GLIS3: variants seen among roughly 807,000 people sequenced by gnomAD.
GLIS3 encodes the protein GLIS family zinc finger 3, also known as zinc finger protein GLIS3.
Under a neutral mutation model 78.6 loss-of-function variants are expected in GLIS3, and 53 were observed. The ratio of observed to expected loss-of-function variants is 0.67; its 90% CI spans 0.54 to 0.85. The LOEUF is 0.85. Among genes scored for constraint, GLIS3 ranks in the 40% least tolerant of loss-of-function variants. GLIS3 has a pLI of 0.00. For missense variants in GLIS3, 1,703 were observed against 1,231.1 expected, an observed-to-expected ratio of 1.38 and a Z score of -5.74; for synonymous variants, 684 against 509.9, an observed-to-expected ratio of 1.34 and a Z score of -4.60.
intron 2 of GLIS3, among the ~76,000 whole-genome samples, chr9:4,154,309 A>C (rs186240206): frequency 6.6e-6 from 1 of 152,338 alleles, no homozygotes; most frequent in African/African-American, 2.4e-5. Flanking sequence ...ATAGAATGGG[A>C]GCTATGGTTT....
At chr9:3,963,628 T>G (rs1430839698) in intron 4 of GLIS3, among the ~76,000 whole-genome samples, 1 of 152,038 alleles carries the variant, frequency 6.6e-6, no homozygotes, top group Non-Finnish European at 1.5e-5. Context: ...ATGATAGAAG[T>G]TTCCTCTTTG....
the GLIS3 span, among the ~76,000 whole-genome samples, chr9:4,454,481 C>G: frequency 6.6e-6 from 1 of 152,152 alleles, no homozygotes; most frequent in Non-Finnish European, 1.5e-5. Flanking sequence ...TTATGGAGAG[C>G]TGAAGTTCAA....
chr9:4,455,793 TG>T, the GLIS3 span, among the ~76,000 whole-genome samples: 1 of 152,136 alleles, frequency 6.6e-6, no homozygotes, highest in Non-Finnish European at 1.5e-5. Context: ...TTCACATGAT[TG>T]TTTTTCATTT....
At chr9:4,417,941 A>T in the GLIS3 span, among the ~76,000 whole-genome samples, 1 of 152,198 alleles carries the variant, frequency 6.6e-6, no homozygotes, top group Non-Finnish European at 1.5e-5. Context: ...GGAACAATTG[A>T]TATTTTCAAT....
the GLIS3 span, among the ~76,000 whole-genome samples, chr9:4,435,547 G>C: frequency 6.6e-6 from 1 of 152,198 alleles, no homozygotes; most frequent in African/African-American, 2.4e-5. Context: ...TGTTAATTTT[G>C]TACCATCCTG....
chr9:3,902,113 T>C (rs925152997), intron 6 of GLIS3, among the ~76,000 whole-genome samples: 5 of 152,254 alleles, frequency 3.3e-5, no homozygotes, highest in African/African-American at 1.2e-4. Context: ...TTAGCTTCAC[T>C]AAATATTCAT....
intron 2 of GLIS3, among the ~76,000 whole-genome samples, chr9:4,134,941 A>G (rs1280525503): frequency 1.3e-5 from 2 of 152,198 alleles, no homozygotes; most frequent in African/African-American, 4.8e-5. Flanking sequence ...CTAGGGAGAT[A>G]AGATGGCCTA....
chr9:4,125,687 G>T (rs757065833), intron 3 of GLIS3, 47 bp downstream of exon 3: 4 of 1,272,370 alleles, frequency 3.1e-6, no homozygotes, highest in Non-Finnish European at 3.4e-6. Flanking sequence ...CACTTGTGGG[G>T]TGTGTTTATA....
the GLIS3 span, among the ~76,000 whole-genome samples, chr9:4,487,550 C>G: frequency 5.3e-5 from 8 of 152,066 alleles, no homozygotes; most frequent in African/African-American, 4.8e-5. Flanking sequence ...GTGTAATTGT[C>G]TTATTACAAC....
At chr9:3,845,570 C>T (rs1818977143) in intron 9 of GLIS3, among the ~76,000 whole-genome samples, 1 of 152,086 alleles carries the variant, frequency 6.6e-6, no homozygotes, top group Admixed American at 6.5e-5. Flanking sequence ...TATAAAAAGT[C>T]AGTAAGAATT....
At chr9:4,134,469 C>G (rs1002269987) in intron 2 of GLIS3, among the ~76,000 whole-genome samples, 1 of 152,130 alleles carries the variant, frequency 6.6e-6, no homozygotes, top group African/African-American at 2.4e-5. Context: ...TAACTTTGGT[C>G]ATTTAGCAGA....
At chr9:4,226,819 C>T (rs1821810173) in intron 2 of GLIS3, among the ~76,000 whole-genome samples, 1 of 152,118 alleles carries the variant, frequency 6.6e-6, no homozygotes, top group Non-Finnish European at 1.5e-5. Context: ...ACAGTGGATG[C>T]AAAGTTATCT....
intron 4 of GLIS3, among the ~76,000 whole-genome samples, chr9:4,064,507 T>C (rs1251023685): frequency 2.0e-5 from 3 of 152,200 alleles, no homozygotes; most frequent in Non-Finnish European, 4.4e-5. Flanking sequence ...TCAGAAAATA[T>C]ACCTACTGGA....
rs34973607 is a variant in GLIS3, at chr9:3,859,350, AACACACACACACAC to A, written c.2298-3180_2298-3167del. On this transcript the variant is annotated intron_variant, in intron 8 of 10. Coordinates refer to ENST00000381971, the MANE Select transcript of GLIS3 (RefSeq NM_001042413.2). ...CTACTTTCCAACCCTGTTTCTTCGA[AACACACACACACAC>A]ACACACACACACACACACACACACA... is the stretch of plus-strand genomic sequence containing the variant. 3.5e-3 allele frequency among the ~76,000 whole-genome samples: 524 copies of A among 148,960 alleles called. 2 individuals are homozygous for A. Among genetic ancestry groups the A allele is most frequent in the African/African-American group, 8.8e-3 (354 of 40,136 alleles).
At chr9:4,219,209 C>T (rs1170679049) in intron 2 of GLIS3, among the ~76,000 whole-genome samples, 15 of 152,222 alleles carry the variant, frequency 9.9e-5, no homozygotes, top group Admixed American at 9.8e-4. Context: ...TCCACGGTCT[C>T]CCCTGTGACC....
At chr9:4,206,138 T>C (rs1367755349) in intron 2 of GLIS3, among the ~76,000 whole-genome samples, 1 of 152,170 alleles carries the variant, frequency 6.6e-6, no homozygotes. Context: ...ACATGCTTTC[T>C]GGTCACTAGA....
chr9:4,371,394 G>A, the GLIS3 span, among the ~76,000 whole-genome samples: 1 of 152,158 alleles, frequency 6.6e-6, no homozygotes, highest in Non-Finnish European at 1.5e-5. Context: ...CTAAGCCCCA[G>A]GCTCCTCCTC....
At chr9:4,193,705 G>A (rs1563732214) in intron 2 of GLIS3, among the ~76,000 whole-genome samples, 1 of 152,360 alleles carries the variant, frequency 6.6e-6, no homozygotes, top group African/African-American at 2.4e-5. Flanking sequence ...CACCTGAGCT[G>A]GAGGGAGGCT....
chr9:3,843,434 G>A (rs1818842314), intron 9 of GLIS3, among the ~76,000 whole-genome samples: 1 of 152,096 alleles, frequency 6.6e-6, no homozygotes. Context: ...TAAGAGTATG[G>A]AAACCTATAT....
Sources: gnomAD v4.1 joint callset for allele counts (sites outside exome capture counted in the v4.1 genomes callset) on GRCh38, gnomAD v4.1.1 for gene constraint, MANE v1.5 for transcripts, NCBI Gene and HGNC (gene_info 2026-07-23, HGNC 2026-07-21) for gene names.